Variants in CLEC16A observed in about 807,000 individuals in gnomAD.
CLEC16A encodes the protein protein CLEC16A.
CLEC16A carries 51 observed loss-of-function variants against 109.5 expected under a neutral mutation model. The observed-to-expected ratio is 0.47, with a 90% CI of 0.37 to 0.59. CLEC16A has a LOEUF of 0.59. Ranked by LOEUF, CLEC16A falls within the 20% of genes least tolerant of loss-of-function variation. The pLI, the probability that CLEC16A is intolerant of heterozygous loss-of-function variation, is 0.00. For missense variants in CLEC16A, 1,339 were observed against 1,394.0 expected (o/e 0.96, Z 0.63); for synonymous variants, 673 against 564.2 (o/e 1.19, Z -2.73).
chr16:11,047,236 T>G, intron 16 of CLEC16A, 56 bp from the exon 17 acceptor site: 1 of 1,470,776 alleles, frequency 6.8e-7, no homozygotes, highest in South Asian at 1.2e-5. Context: ...AATACTCTGT[T>G]GTTTATGGAA....
At chr16:11,108,128 A>G (rs933112916) in intron 19 of CLEC16A, among the ~76,000 whole-genome samples, 5 of 152,230 alleles carry the variant, frequency 3.3e-5, no homozygotes, top group African/African-American at 1.2e-4. Flanking sequence ...TTGGAAGGGT[A>G]GCCATCCTTC....
chr16:11,035,923 G>C (rs2046991163), intron 13 of CLEC16A: 1 of 152,380 alleles, frequency 6.6e-6, no homozygotes, highest in African/African-American at 2.4e-5. Context: ...AAAGAGCTGG[G>C]AGAGAGAATG....
chr16:11,003,385 A>C (rs1596997638), intron 11 of CLEC16A, 80 bp downstream of exon 11: 1 of 1,123,746 alleles, frequency 8.9e-7, no homozygotes, highest in East Asian at 2.5e-5. Flanking sequence ...TGCCCTCTCC[A>C]CCCAGACTTC....
intron 19 of CLEC16A, among the ~76,000 whole-genome samples, chr16:11,086,381 GGATT>G (rs1327783690): frequency 6.6e-6 from 1 of 152,166 alleles, no homozygotes; most frequent in African/African-American, 2.4e-5. Flanking sequence ...CCTTACTGTG[GGATT>G]ATTATGAGGA....
chr16:11,118,338 T>C (rs1184483556), intron 19 of CLEC16A, among the ~76,000 whole-genome samples: 1 of 150,594 alleles, frequency 6.6e-6, no homozygotes, highest in African/African-American at 2.5e-5. Context: ...CCGCCTTTTC[T>C]CATTTAACGC....
At chr16:11,046,561 G>C (rs543418573) in intron 16 of CLEC16A, among the ~76,000 whole-genome samples, 1 of 152,146 alleles carries the variant, frequency 6.6e-6, no homozygotes, top group Non-Finnish European at 1.5e-5. Context: ...CCATGACAGT[G>C]AGTGCTCACA....
At chr16:11,110,807 C>A (rs145816578) in intron 19 of CLEC16A, among the ~76,000 whole-genome samples, 1 of 152,144 alleles carries the variant, frequency 6.6e-6, no homozygotes, top group Non-Finnish European at 1.5e-5. Flanking sequence ...GGGAGGTGAT[C>A]GGCCCAGGGT....
chr16:11,081,050 C>T lies in CLEC16A; in HGVS notation c.2116+20028C>T, dbSNP rs74409953. 5.6e-3 allele frequency among the ~76,000 whole-genome samples: 855 copies of T among 152,318 alleles called. 10 individuals carry two copies. Among genetic ancestry groups the T allele is most frequent in the African/African-American group, 0.019 (784 of 41,562 alleles). ...GGGTAGGCAGAGGCTCTGCGGGACA[C>T]GCTGCAATTGAGGAAGCCTGGAGAA... On this transcript the variant is annotated intron_variant, in intron 19 of 23. Coordinates refer to ENST00000409790, the MANE Select transcript of CLEC16A (RefSeq NM_015226.3).
intron 19 of CLEC16A, among the ~76,000 whole-genome samples, chr16:11,106,305 G>A (rs1260014550): frequency 6.6e-6 from 1 of 151,862 alleles, no homozygotes; most frequent in Non-Finnish European, 1.5e-5. Flanking sequence ...ACTTTTTTGT[G>A]GGGGAGAGTT....
intron 1 of CLEC16A, among the ~76,000 whole-genome samples, chr16:10,948,055 A>AG: frequency 6.6e-6 from 1 of 152,014 alleles, no homozygotes; most frequent in East Asian, 1.9e-4. Flanking sequence ...CACCACGCCC[A>AG]GCTAATTTTT....
At chr16:11,019,261 T>A (rs1318947448) in intron 11 of CLEC16A, among the ~76,000 whole-genome samples, 4 of 152,194 alleles carry the variant, frequency 2.6e-5, no homozygotes, top group South Asian at 4.1e-4. Flanking sequence ...AGCCCAACCC[T>A]CATCCATCTT....
intron 10 of CLEC16A, among the ~76,000 whole-genome samples, chr16:10,999,388 C>T (rs530728984): frequency 6.6e-6 from 1 of 152,240 alleles, no homozygotes; most frequent in African/African-American, 2.4e-5. Flanking sequence ...GGCATCTTTC[C>T]AGGAAAAGTC....
chr16:11,173,845 C>A (rs1293554940), intron 23 of CLEC16A, among the ~76,000 whole-genome samples: 4 of 152,168 alleles, frequency 2.6e-5, no homozygotes, highest in Non-Finnish European at 5.9e-5. Context: ...GCGGATGAAC[C>A]CATCTTTCCT....
At chr16:11,097,076 T>A (rs1034097601) in intron 19 of CLEC16A, among the ~76,000 whole-genome samples, 1 of 152,204 alleles carries the variant, frequency 6.6e-6, no homozygotes, top group Non-Finnish European at 1.5e-5. Flanking sequence ...TTTCCCTTTT[T>A]AAGTCCTCCC....
rs1273664631 is a variant in CLEC16A at position 11,178,123 on chromosome 16, C to T, written c.2807-212C>T. Among the ~76,000 whole-genome samples the T allele has an allele frequency of 6.6e-6, 1 of 152,128 alleles. No individual in the cohort carries two copies. Among genetic ancestry groups the T allele is most frequent in the Non-Finnish European group, 1.5e-5 (1 of 68,030 alleles). On this transcript the variant is annotated intron_variant, in intron 23 of 23. Transcript: ENST00000409790. The surrounding 1 kb of genome is among the most constrained non-coding windows in gnomAD (Gnocchi z 6.5). ...ATCACAAGTCAGGGTAACCCTAGGC[C>T]CTGCTGTATTTTCCCCAGGCCTAAG... is the stretch of plus-strand genomic sequence containing the variant.
intron 1 of CLEC16A, among the ~76,000 whole-genome samples, chr16:10,951,875 T>C (rs974686988): frequency 6.6e-6 from 1 of 152,232 alleles, no homozygotes; most frequent in African/African-American, 2.4e-5. Context: ...CAATTAGGAA[T>C]CTTAATGCCC....
chr16:11,101,138 C>T (rs1254011312), intron 19 of CLEC16A, among the ~76,000 whole-genome samples: 2 of 152,144 alleles, frequency 1.3e-5, no homozygotes, highest in Non-Finnish European at 2.9e-5. Context: ...ATTTTAAGTT[C>T]CAGTCCAGGT....
chr16:11,036,441 C>A (rs986547486), intron 13 of CLEC16A, among the ~76,000 whole-genome samples: 2 of 152,192 alleles, frequency 1.3e-5, no homozygotes, highest in African/African-American at 4.8e-5. Context: ...AGCTCGCCCC[C>A]TGAGAGGGGC....
At position 11,174,980 on chromosome 16, in the gene CLEC16A, A is replaced by G. The variant is rs1452820587; in HGVS notation, c.2807-3355A>G. 6.6e-6 allele frequency among the ~76,000 whole-genome samples: 1 copy of G among 152,056 alleles called. No individual in the cohort carries two copies. The highest frequency in any genetic ancestry group is 1.9e-4 in the East Asian group (1 of 5,178). On this transcript the variant is annotated intron_variant, in intron 23 of 23. Transcript: ENST00000409790. The surrounding 1 kb of genome is among the most constrained non-coding windows in gnomAD (Gnocchi z 4.7). ...TGTGGTTTCTGATGCGCTTTTCTCC[A>G]TTGGCCGTTGCGCTTGTCTGCTGGG...
Sources: gnomAD v4.1 joint callset for allele counts (sites outside exome capture counted in the v4.1 genomes callset) on GRCh38, gnomAD v4.1.1 for gene constraint, Gnocchi (gnomAD v3.1) non-coding constraint, MANE v1.5 for transcripts, NCBI Gene and HGNC (gene_info 2026-07-23, HGNC 2026-07-21) for gene names.